MARCO: variants seen among roughly 807,000 people sequenced by gnomAD.
MARCO encodes macrophage receptor with collagenous structure.
In MARCO, 72 loss-of-function variants were observed where a neutral mutation model predicts 70.0. That is an observed-to-expected ratio of 1.03 (90% CI 0.85 to 1.25). The LOEUF (loss-of-function observed/expected upper bound fraction) is 1.25. Ranked by LOEUF, MARCO falls within the 50% of genes most tolerant of loss-of-function variation. The probability of loss-of-function intolerance (pLI) is 0.00; values close to 1 mark genes in which losing one functional copy is unlikely to be tolerated. For missense variants in MARCO, 696 were observed against 659.3 expected, an observed-to-expected ratio of 1.06 and a Z score of -0.61; for synonymous variants, 273 against 243.1, an observed-to-expected ratio of 1.12 and a Z score of -1.14.
intron 1 of MARCO, chr2:118,953,044 G>T (rs187095926): frequency 5.3e-5 from 8 of 152,210 alleles, no homozygotes; most frequent in African/African-American, 1.9e-4. Flanking sequence ...TCCTTGCTGC[G>T]TGTCCTATGT....
At chr2:118,963,612 G>A (rs1355420257) in intron 1 of MARCO, among the ~76,000 whole-genome samples, 1 of 152,110 alleles carries the variant, frequency 6.6e-6, no homozygotes, top group Non-Finnish European at 1.5e-5. Context: ...CTATCAGTCA[G>A]TAGTGCTAGT....
chr2:118,975,129 G>A (rs947544067), intron 6 of MARCO, among the ~76,000 whole-genome samples: 1 of 152,130 alleles, frequency 6.6e-6, no homozygotes, highest in South Asian at 2.1e-4. Flanking sequence ...ATTCTGCCCA[G>A]CCATCTTATT....
chr2:118,977,545 ATGATGCATAGCC>A (rs1333065274), intron 7 of MARCO, 30 bp downstream of exon 7: 1 of 1,605,096 alleles, frequency 6.2e-7, no homozygotes, highest in East Asian at 2.2e-5. Context: ...CTAGGGACAA[ATGATGCATAGCC>A]TGAGGCACTG....
At chr2:118,944,656 GT>G (rs34194906) in intron 1 of MARCO, 3 of 151,240 alleles carry the variant, frequency 2.0e-5, no homozygotes, top group East Asian at 1.9e-4. Flanking sequence ...TATTAAACTA[GT>G]TTTTTTTTAT....
intron 1 of MARCO, among the ~76,000 whole-genome samples, chr2:118,950,950 C>T (rs1679711601): frequency 6.6e-6 from 1 of 152,096 alleles, no homozygotes; most frequent in Admixed American, 6.6e-5. Context: ...TTGTTGAAAA[C>T]CTTGTAAGTT....
intron 12 of MARCO, among the ~76,000 whole-genome samples, chr2:118,989,345 G>A (rs1328430100): frequency 6.6e-6 from 1 of 152,106 alleles, no homozygotes; most frequent in Admixed American, 6.5e-5. Flanking sequence ...CCCAACCTCA[G>A]TTCTGTCCCT....
rs1680684457 is a variant in MARCO, at chr2:118,994,438, C to T, written c.1481C>T (p.Thr494Ile). 6.2e-7 allele frequency: 1 copy of T among 1,613,900 alleles called. No individual in the cohort carries two copies. The change falls in exon 17 of 17, where the codon ACC becomes ATC. Residue 494 changes from threonine (T) to isoleucine (I), a missense_variant. Physicochemically the swap from Thr to Ile is moderately conservative, Grantham distance 89. Around this residue, in one of 3 missense-constraint regions of MARCO, gnomAD observed 58 missense variants for 62.1 expected, o/e 0.93. Coordinates refer to ENST00000327097, the MANE Select transcript of MARCO (RefSeq NM_006770.4). Reference sequence around the variant, plus strand: ...GTTCAGTGTCGGGGCACGGAGAGTACCCTGTGGAGCTGCACCAAGAATAGC... The same window carrying T: ...GTTCAGTGTCGGGGCACGGAGAGTATCCTGTGGAGCTGCACCAAGAATAGC... ...DNVQCRGTESTLWSCTKNSWG... is the reference protein window; with the variant it reads ...DNVQCRGTESILWSCTKNSWG...
At chr2:118,982,476 C>T in intron 12 of MARCO, 66 bp downstream of exon 12, 2 of 1,476,540 alleles carry the variant, frequency 1.4e-6, no homozygotes, top group Non-Finnish European at 1.9e-6. Flanking sequence ...GAGAGAAAAA[C>T]TGCTTCTTCT....
At chr2:118,951,407 G>C (rs114875249) in intron 1 of MARCO, among the ~76,000 whole-genome samples, 1 of 152,350 alleles carries the variant, frequency 6.6e-6, no homozygotes, top group African/African-American at 2.4e-5. Context: ...TTGAGTCAGT[G>C]AGCTACCTTT....
intron 1 of MARCO, among the ~76,000 whole-genome samples, chr2:118,945,404 C>CTTTTTTTTTTTTTTTTTT (rs55684033): frequency 8.1e-6 from 1 of 123,066 alleles, no homozygotes; most frequent in African/African-American, 3.1e-5. Context: ...CCTCTTGTTT[C>CTTTTTTTTTTTTTTTTTT]TTTTTTTTTT....
intron 1 of MARCO, among the ~76,000 whole-genome samples, chr2:118,966,620 A>G (rs922102520): frequency 2.6e-5 from 4 of 152,120 alleles, no homozygotes; most frequent in African/African-American, 9.7e-5. Flanking sequence ...GTATTACCAT[A>G]CCTTATTTTT....
At chr2:118,972,313 G>C (rs573547314) in intron 4 of MARCO, among the ~76,000 whole-genome samples, 69 of 152,292 alleles carry the variant, frequency 4.5e-4, no homozygotes, top group South Asian at 1.0e-3. Flanking sequence ...TTCCCCCTGA[G>C]GATAAATATA....
intron 6 of MARCO, among the ~76,000 whole-genome samples, chr2:118,974,781 A>T (rs1316723923): frequency 6.6e-6 from 1 of 152,060 alleles, no homozygotes; most frequent in Non-Finnish European, 1.5e-5. Flanking sequence ...AGGGGCAGGT[A>T]TGGCTAGATG....
chr2:118,963,919 T>G (rs1679995493), intron 1 of MARCO, among the ~76,000 whole-genome samples: 1 of 152,208 alleles, frequency 6.6e-6, no homozygotes, highest in South Asian at 2.1e-4. Context: ...TTTCTTTGTT[T>G]CCCATTCATG....
chr2:118,991,421 T>G (rs2104613397), intron 13 of MARCO, among the ~76,000 whole-genome samples: 1 of 152,252 alleles, frequency 6.6e-6, no homozygotes, highest in African/African-American at 2.4e-5. Context: ...GCCACTGTAC[T>G]CGGCCTCTGT....
intron 6 of MARCO, among the ~76,000 whole-genome samples, chr2:118,975,174 TG>T (rs1680256837): frequency 6.6e-6 from 1 of 152,136 alleles, no homozygotes; most frequent in Non-Finnish European, 1.5e-5. Context: ...GGTCAGAGAA[TG>T]GGGGGCCCAG....
rs1336567188 is a variant in MARCO, at chr2:118,994,400, C to A, written c.1443C>A (p.Ile481=). 2 of 1,614,076 alleles carry A rather than the reference C, an allele frequency of 1.2e-6. No individual in the cohort carries two copies. Among genetic ancestry groups the A allele is most frequent in the Non-Finnish European group, 1.7e-6 (2 of 1,180,052 alleles). Residue 481 remains isoleucine (I), a synonymous_variant, in exon 17 of 17, where the codon ATC becomes ATA. Transcript: ENST00000327097. The part of the protein sequence containing the change: ...LYKVGAGTGQ[I]WLDNVQCRGT... ...CTCTCTATCAAGGCACTGGGCAGAT[C>A]TGGCTGGATAATGTTCAGTGTCGGG...
rs202130947 is a variant in MARCO, at chr2:118,993,306, T to C, written c.1429+6T>C. ...CCTGTACAAAGTGGGAGCTGGTAAG[T>C]GAGTCATCAGCCGGGGGCCTCTTCC... On this transcript the variant is annotated splice_donor_region_variant and intron_variant, in intron 16 of 16. Coordinates refer to ENST00000327097, the MANE Select transcript of MARCO (RefSeq NM_006770.4). 4.9e-4 allele frequency: 783 copies of C among 1,613,846 alleles called. 2 individuals are homozygous for C. Among genetic ancestry groups the C allele is most frequent in the African/African-American group, 4.5e-3 (336 of 75,026 alleles).
rs1679622851 is a variant in MARCO, at chr2:118,947,430, C to G, written c.97+5033C>G. 2.0e-5 allele frequency among the ~76,000 whole-genome samples: 3 copies of G among 152,294 alleles called. No individual in the cohort carries two copies. The South Asian group carries it at 6.2e-4, about 32-fold the overall frequency. On this transcript the variant is annotated intron_variant, in intron 1 of 16. Transcript: ENST00000327097. ...GGCTCATGTGATCTTCCCACTTCAG[C>G]CTCCCAAGTAGCTGGGACTAGAGGC...
Sources: gnomAD v4.1 joint callset for allele counts (sites outside exome capture counted in the v4.1 genomes callset) on GRCh38, gnomAD v4.1.1 for gene constraint, gnomAD v4.1.1 regional missense constraint, MANE v1.5 for transcripts, NCBI Gene and HGNC (gene_info 2026-07-23, HGNC 2026-07-21) for gene names.